The following POLD1 variants were observed in gnomAD, a reference collection of about 807,000 sequenced individuals.
POLD1 encodes DNA polymerase delta 1, catalytic subunit, also known as DNA polymerase delta catalytic subunit.
POLD1 carries 79 observed loss-of-function variants against 129.7 expected under a neutral mutation model. The ratio of observed to expected loss-of-function variants is 0.61; its 90% CI spans 0.51 to 0.73. The LOEUF (loss-of-function observed/expected upper bound fraction) is 0.73, where lower values mean the gene tolerates loss of function less well. POLD1 is among the 30% of genes least tolerant of loss of function. The pLI is 0.00. For missense variants in POLD1, 1,338 were observed against 1,595.8 expected (o/e 0.84, Z 2.75); for synonymous variants, 714 against 683.3 (o/e 1.04, Z -0.70).
intron 17 of POLD1, among the ~76,000 whole-genome samples, chr19:50,411,256 C>T (rs796930249): frequency 4.6e-5 from 7 of 152,298 alleles, no homozygotes; most frequent in African/African-American, 1.4e-4. Flanking sequence ...CAAAGTGAAT[C>T]GCTCACTGCA....
At chr19:50,386,818 C>A (rs1386105107) in intron 1 of POLD1, among the ~76,000 whole-genome samples, 1 of 152,176 alleles carries the variant, frequency 6.6e-6, no homozygotes, top group African/African-American at 2.4e-5. Context: ...AGACAGCAGT[C>A]ACAGAGGCCT....
At position 50,415,037 on chromosome 19, in the gene POLD1, CCCT is replaced by C. The variant is rs780492423; in HGVS notation, c.2564+53_2564+55del. On this transcript the variant is annotated intron_variant, in intron 20 of 26. Coordinates refer to ENST00000440232, the MANE Select transcript of POLD1 (RefSeq NM_002691.4). The stretch of plus-strand genomic sequence containing the variant: ...AGACTCAGGGGGCTGGGCCCCAAAC[CCCT>C]CCTCCCTCAGACCCAGGAGTCTAGG... 28 of 1,440,162 alleles carry C rather than the reference CCCT, an allele frequency of 1.9e-5. No individual in the cohort carries two copies. The South Asian group carries it at 3.8e-4, about 19-fold the overall frequency. The allele number at this position is 1,440,162 out of a possible 1,614,324, so 89.2% of individuals were successfully genotyped here. A position where few individuals can be genotyped will look rare whatever the true frequency, so the allele number is the denominator to read the frequency against.
At chr19:50,390,037 T>G in intron 1 of POLD1, among the ~76,000 whole-genome samples, 1 of 151,392 alleles carries the variant, frequency 6.6e-6, no homozygotes, top group African/African-American at 2.4e-5. Flanking sequence ...GCCTCCCGAG[T>G]AGCTAGGATT....
At position 50,416,653 on chromosome 19, in the gene POLD1, G is replaced by A. The variant is rs2122496614; in HGVS notation, c.2997G>A (p.Val999=). 1 of 1,564,708 alleles carries A rather than the reference G, an allele frequency of 6.4e-7. No individual in the cohort carries two copies. The highest frequency in any genetic ancestry group is 2.4e-5 in the East Asian group (1 of 42,210). ...GCAAGACGGTGCTCACGGGCAAGGT[G>A]GGCGGCCTCCTGGCCTTCGCCAAAC... is the stretch of plus-strand genomic sequence containing the variant. ...TRCKTVLTGK[V]GGLLAFAKRR... is the part of the protein sequence containing the mutation. Residue 999 remains valine (V), a synonymous_variant, in exon 24 of 27, where the codon GTG becomes GTA. Transcript: ENST00000440232.
intron 3 of POLD1, 30 bp from the exon 4 acceptor site, chr19:50,401,748 T>C (rs1259308071): frequency 2.5e-6 from 4 of 1,608,952 alleles, no homozygotes; most frequent in South Asian, 2.2e-5. Context: ...CTGAGAGGCA[T>C]GGCCGCTGTC....
In POLD1 at chr19:50,409,677, GGGCCCCTGGAA is replaced by G; in HGVS notation, c.2154+15_2154+25del. The G allele has an allele frequency of 6.3e-7, 1 of 1,589,950 alleles. No individual in the cohort carries two copies. On this transcript the variant is annotated intron_variant, in intron 17 of 26. Transcript: ENST00000440232. This position sits in a 1 kb window ranked among gnomAD's most constrained non-coding sequence, Gnocchi z 5.8. ...CTGGAGATCTCACAGGTGGGCACTC[GGGCCCCTGGAA>G]GGCAACTGGGGGCAGGTGGGCCCCC...
chr19:50,416,731 GC>G lies in POLD1; in HGVS notation c.3067+11del, dbSNP rs780881147. On this transcript the variant is annotated intron_variant, in intron 24 of 26. Transcript: ENST00000440232. Reference sequence around the variant, plus strand: ...CAGTGCTCAGCCACCAGGGTGAGCGGCCCTGGCCACTGGGCCCCCACTGGCC... The same window carrying G: ...CAGTGCTCAGCCACCAGGGTGAGCGGCCTGGCCACTGGGCCCCCACTGGCC... The G allele has an allele frequency of 9.3e-5, 142 of 1,520,766 alleles. No individual in the cohort carries two copies. The African/African-American group carries it at 1.7e-3, about 18-fold the overall frequency. The allele number at this position is 1,520,766 out of a possible 1,614,324, so 94.2% of individuals were successfully genotyped here. A position where few individuals can be genotyped will look rare whatever the true frequency, so the allele number is the denominator to read the frequency against.
rs575387524 is a variant in POLD1 at position 50,417,032 on chromosome 19, C to T, written c.3068-13C>T. 27 of 1,548,268 alleles carry T rather than the reference C, an allele frequency of 1.7e-5. No individual in the cohort carries two copies. The highest frequency in any genetic ancestry group is 2.0e-4 in the Middle Eastern group (1 of 5,050). On this transcript the variant is annotated splice_polypyrimidine_tract_variant and intron_variant, in intron 24 of 26. Transcript: ENST00000440232. ...CTGGGCCCCAGCACTTGGGCTGACC[C>T]GCCTCCCCACAGGAGCCGTGTGTGA...
intron 1 of POLD1, 28 bp from the exon 2 acceptor site, chr19:50,398,823 C>T: frequency 6.2e-7 from 1 of 1,602,236 alleles, no homozygotes; most frequent in Non-Finnish European, 8.5e-7. Flanking sequence ...CGGTCAGAAC[C>T]TCCACCAAGC....
At position 50,399,410 on chromosome 19, in the gene POLD1, G is replaced by C. The variant is rs755461109; in HGVS notation, c.242G>C (p.Arg81Pro). 8.7e-6 allele frequency: 14 copies of C among 1,614,128 alleles called. No individual in the cohort carries two copies. The highest frequency in any genetic ancestry group is 1.2e-5 in the Non-Finnish European group (14 of 1,180,010). ...TCAGCCATAGATCCTCGCTGGCTTC[G>C]GCCCACACCACCAGCGCTGGACCCC... ...PPSAIDPRWLRPTPPALDPQT... is the reference protein window; with the variant it reads ...PPSAIDPRWLPPTPPALDPQT... Residue 81 changes from arginine to proline, a missense_variant, in exon 3 of 27, where the codon CGG becomes CCG. Physicochemically the swap from Arg to Pro is moderately radical, Grantham distance 103. Coordinates refer to ENST00000440232, the MANE Select transcript of POLD1 (RefSeq NM_002691.4).
intron 3 of POLD1, among the ~76,000 whole-genome samples, chr19:50,401,132 T>C (rs1150930): frequency 1.8e-3 from 273 of 151,240 alleles, no homozygotes; most frequent in Middle Eastern, 3.4e-3. Context: ...TACTAAAAAT[T>C]CAAAAAATTA....
intron 1 of POLD1, among the ~76,000 whole-genome samples, chr19:50,391,742 C>T (rs372298531): frequency 4.6e-5 from 7 of 151,708 alleles, no homozygotes; most frequent in South Asian, 2.1e-4. Context: ...CCCACTCCCC[C>T]GCTCTTGTTG....
Position 50,403,574 on chromosome 19 carries a change from ATC to A in POLD1, c.1224_1225del (p.Arg409GlyfsTer225). The A allele has an allele frequency of 6.2e-7, 1 of 1,612,334 alleles. No homozygotes were observed. Among genetic ancestry groups the A allele is most frequent in the Non-Finnish European group, 8.5e-7 (1 of 1,178,522 alleles). On this transcript the variant is annotated frameshift_variant, in exon 10 of 27. Coordinates refer to ENST00000440232, the MANE Select transcript of POLD1 (RefSeq NM_002691.4). LOFTEE classifies it high-confidence loss of function. ...NIQNFDLPYL[I>X]SRAQTLKVQT... ...CCAGAACTTCGACCTTCCGTACCTC[ATC>A]TCTCGGGCCCAGACCCTCAAGGTGA...
In POLD1 at chr19:50,402,756, C is replaced by CCGGGCT. The variant is rs2038708738; in HGVS notation, c.970+17_970+22dup. ...CGGCCGCAAAGGTCTGTCCCCGGGC[C>CCGGGCT]CGGGCTCCTGCCCGCCTCATTGATG... On this transcript the variant is annotated intron_variant, in intron 8 of 26. Coordinates refer to ENST00000440232, the MANE Select transcript of POLD1 (RefSeq NM_002691.4). 1 of 1,574,738 alleles carries CCGGGCT rather than the reference C, an allele frequency of 6.4e-7. No individual in the cohort carries two copies. Among genetic ancestry groups the CCGGGCT allele is most frequent in the South Asian group, 1.1e-5 (1 of 87,920 alleles).
At position 50,403,142 on chromosome 19, in the gene POLD1, G is replaced by T; in HGVS notation, c.1060G>T (p.Ala354Ser). The T allele has an allele frequency of 6.4e-7, 1 of 1,561,466 alleles. No homozygotes were observed. The highest frequency in any genetic ancestry group is 8.7e-7 in the Non-Finnish European group (1 of 1,152,504). Residue 354 changes from alanine (A) to serine (S), a missense_variant, in exon 9 of 27, where the codon GCG becomes TCG. Physicochemically the swap from Ala to Ser is moderately conservative, Grantham distance 99. This residue lies in a region of POLD1 where 720 missense variants were observed against 1,002.6 expected (regional missense o/e 0.72). Transcript: ENST00000440232. ...GGAGCCGGAGCCCTTCCTACGCCTG[G>T]CGCTCACCCTGCGGCCCTGTGCCCC... is the stretch of plus-strand genomic sequence containing the variant. ...WGEPEPFLRL[A>S]LTLRPCAPIL...
intron 1 of POLD1, among the ~76,000 whole-genome samples, chr19:50,386,122 A>T (rs2037963171): frequency 6.6e-6 from 1 of 150,784 alleles, no homozygotes; most frequent in Non-Finnish European, 1.5e-5. Context: ...ATTCACAGGG[A>T]GTTTCAACTC....
rs2122502945 is a variant in POLD1, at chr19:50,417,025, G to T, written c.3068-20G>T. The stretch of plus-strand genomic sequence containing the variant: ...TTCCTGGCTGGGCCCCAGCACTTGG[G>T]CTGACCCGCCTCCCCACAGGAGCCG... On this transcript the variant is annotated intron_variant, in intron 24 of 26. Coordinates refer to ENST00000440232, the MANE Select transcript of POLD1 (RefSeq NM_002691.4). 1 of 1,547,098 alleles carries T rather than the reference G, an allele frequency of 6.5e-7. No individual in the cohort carries two copies. The highest frequency in any genetic ancestry group is 2.0e-5 in the Admixed American group (1 of 50,864).
intron 1 of POLD1, among the ~76,000 whole-genome samples, chr19:50,394,563 G>A (rs2038278342): frequency 6.6e-6 from 1 of 152,144 alleles, no homozygotes; most frequent in Admixed American, 6.5e-5. Context: ...GCTGAGGCAG[G>A]AGAATCGCTT....
In POLD1 at chr19:50,416,541, CAG is replaced by C. The variant is rs1171242855; in HGVS notation, c.2953+14_2953+15del. 1.4e-5 allele frequency: 22 copies of C among 1,549,378 alleles called. No individual in the cohort carries two copies. In the Middle Eastern group the frequency reaches 7.2e-4, roughly 51 times the overall value. On this transcript the variant is annotated intron_variant, in intron 23 of 26. Transcript: ENST00000440232. ...GCTGTGCTACTGCGTACGGGGGCAC[CAG>C]GGGACTGGGGGCACCCTGGGGGGGC... is the stretch of plus-strand genomic sequence containing the variant.
Sources: gnomAD v4.1 joint callset for allele counts (sites outside exome capture counted in the v4.1 genomes callset) on GRCh38, gnomAD v4.1.1 for gene constraint, gnomAD v4.1.1 regional missense constraint, Gnocchi (gnomAD v3.1) non-coding constraint, MANE v1.5 for transcripts, NCBI Gene and HGNC (gene_info 2026-07-23, HGNC 2026-07-21) for gene names.